MAP2K6: variants seen among roughly 807,000 people sequenced by gnomAD.
The protein encoded by MAP2K6 is mitogen-activated protein kinase kinase 6.
In MAP2K6, 16 loss-of-function variants were observed where a neutral mutation model predicts 53.7. The observed-to-expected ratio is 0.30, with a 90% CI of 0.20 to 0.45. The LOEUF (loss-of-function observed/expected upper bound fraction) is 0.45. Among genes scored for constraint, MAP2K6 ranks in the 20% least tolerant of loss-of-function variants. MAP2K6 has a pLI of 1.00. For synonymous variants in MAP2K6, 132 were observed against 143.1 expected (o/e 0.92, Z 0.55); for missense variants, 204 against 411.9 (o/e 0.50, Z 4.37).
chr17:69,515,751 G>T (rs114323663), intron 2 of MAP2K6, among the ~76,000 whole-genome samples: 64 of 152,342 alleles, frequency 4.2e-4, no homozygotes, highest in African/African-American at 1.5e-3. Context: ...TGCAGAACTG[G>T]ATATCAGGAG....
At chr17:69,513,314 G>A (rs1384622450) in intron 2 of MAP2K6, among the ~76,000 whole-genome samples, 1 of 152,206 alleles carries the variant, frequency 6.6e-6, no homozygotes, top group Non-Finnish European at 1.5e-5. Context: ...GGAATCGCAA[G>A]AGCAGGTAAA....
chr17:69,445,482 A>G (rs2145152041), intron 1 of MAP2K6, among the ~76,000 whole-genome samples: 1 of 152,338 alleles, frequency 6.6e-6, no homozygotes, highest in Admixed American at 6.5e-5. Flanking sequence ...AGATCAAATC[A>G]TGGATAAATG....
At chr17:69,469,183 G>C (rs1907907640) in intron 1 of MAP2K6, among the ~76,000 whole-genome samples, 1 of 152,164 alleles carries the variant, frequency 6.6e-6, no homozygotes, top group African/African-American at 2.4e-5. Context: ...CTTGAGTTCT[G>C]TCCCCTTCCT....
intron 1 of MAP2K6, among the ~76,000 whole-genome samples, chr17:69,470,555 G>T (rs1907954825): frequency 6.6e-6 from 1 of 152,238 alleles, no homozygotes; most frequent in African/African-American, 2.4e-5. Context: ...CTTGTGTATA[G>T]AAGGGAAGAT....
intron 1 of MAP2K6, among the ~76,000 whole-genome samples, chr17:69,475,175 T>G (rs546609031): frequency 6.3e-5 from 9 of 143,272 alleles, no homozygotes; most frequent in East Asian, 2.0e-4. Flanking sequence ...TTTTTTTTTT[T>G]TTTTTTTTTT....
In MAP2K6 at chr17:69,552,488, G is replaced by A. The variant is rs981598331; in HGVS notation, c.*10735G>A. On this transcript the variant is annotated 3_prime_UTR_variant, in exon 12 of 12. Coordinates refer to ENST00000590474, the MANE Select transcript of MAP2K6 (RefSeq NM_002758.4). ...ATTGCCGCATTGTCTCTTTGTGAAT[G>A]AGGCAGGCTGAACTGTAGAGCATGA... The A allele has an allele frequency of 1.3e-5, 2 of 152,166 alleles. No individual in the cohort carries two copies. Among genetic ancestry groups the A allele is most frequent in the African/African-American group, 4.8e-5 (2 of 41,438 alleles). The allele number at this position is 152,166 out of a possible 1,614,324, so 9.4% of individuals were successfully genotyped here.
At chr17:69,500,492 C>T (rs1029766261) in intron 1 of MAP2K6, among the ~76,000 whole-genome samples, 3 of 139,438 alleles carry the variant, frequency 2.2e-5, no homozygotes, top group African/African-American at 5.4e-5. Context: ...CATGGTGGCT[C>T]ACGCCTATAA....
chr17:69,426,696 A>G (rs548110299), intron 1 of MAP2K6, among the ~76,000 whole-genome samples: 2 of 152,302 alleles, frequency 1.3e-5, no homozygotes, highest in African/African-American at 2.4e-5. Flanking sequence ...TTTAGAATCA[A>G]TGAGGAAATT....
intron 5 of MAP2K6, chr17:69,520,060 C>T: frequency 1.9e-6 from 1 of 523,836 alleles, no homozygotes; most frequent in Non-Finnish European, 3.3e-6. Context: ...CATGCAGGTT[C>T]TGCTTGGCTA....
chr17:69,461,569 G>C (rs1397640384), intron 1 of MAP2K6, among the ~76,000 whole-genome samples: 2 of 152,116 alleles, frequency 1.3e-5, no homozygotes, highest in African/African-American at 4.8e-5. Flanking sequence ...TGCCTGACAG[G>C]GTTGTTTTTG....
intron 1 of MAP2K6, among the ~76,000 whole-genome samples, chr17:69,477,871 TGGAAG>T (rs1567832264): frequency 2.0e-5 from 3 of 151,890 alleles, no homozygotes. Flanking sequence ...GTCTTGTAGA[TGGAAG>T]GGAAGGGAAG....
At chr17:69,457,297 C>T (rs1023948173) in intron 1 of MAP2K6, among the ~76,000 whole-genome samples, 4 of 152,182 alleles carry the variant, frequency 2.6e-5, no homozygotes, top group African/African-American at 9.7e-5. Context: ...ACTATTTTCC[C>T]TGTCTTATCT....
intron 2 of MAP2K6, among the ~76,000 whole-genome samples, chr17:69,514,245 G>A (rs1340290080): frequency 6.6e-6 from 1 of 152,126 alleles, no homozygotes; most frequent in African/African-American, 2.4e-5. Flanking sequence ...TTTGACAACT[G>A]AGGAAAAATA....
rs1169425126 is a variant in MAP2K6, at chr17:69,515,433, A to G, written c.84-1422A>G. On this transcript the variant is annotated intron_variant, in intron 2 of 11. Coordinates refer to ENST00000590474, the MANE Select transcript of MAP2K6 (RefSeq NM_002758.4). ...CAGCCTCCCAAAGTGCTGGGATTAC[A>G]GCTGTGAGCCACCGTGCCCGGCCAG... 2.6e-5 allele frequency among the ~76,000 whole-genome samples: 4 copies of G among 152,200 alleles called. 1 individual carries two copies. In the South Asian group the frequency reaches 8.3e-4, roughly 31 times the overall value.
intron 10 of MAP2K6, 129 bp from the exon 11 acceptor site, chr17:69,535,986 G>T: frequency 3.1e-6 from 2 of 647,572 alleles, no homozygotes; most frequent in South Asian, 3.3e-5. Flanking sequence ...GGAAAGTCAA[G>T]ATAGGAGGCT....
chr17:69,496,332 T>TGC (rs1908949736), intron 1 of MAP2K6, among the ~76,000 whole-genome samples: 1 of 149,922 alleles, frequency 6.7e-6, no homozygotes, highest in Admixed American at 6.7e-5. Context: ...AGTGCAGTGG[T>TGC]GCGATCTCGG....
rs998520781 is a variant in MAP2K6 at position 69,545,513 on chromosome 17, G to A, written c.*3760G>A. ...AAATTGTTTGTATTTTACAGTTCTT[G>A]TATATCCTTCAAGCCTAACAAAAAA... On this transcript the variant is annotated 3_prime_UTR_variant, in exon 12 of 12. Transcript: ENST00000590474. 1.3e-5 allele frequency: 2 copies of A among 152,166 alleles called. No individual in the cohort carries two copies. The highest frequency in any genetic ancestry group is 2.9e-5 in the Non-Finnish European group (2 of 68,026). 9.4% of individuals were successfully genotyped at this position (152,166 alleles called of 1,614,324 possible).
chr17:69,528,513 G>T (rs911980176), intron 10 of MAP2K6, among the ~76,000 whole-genome samples: 1 of 151,984 alleles, frequency 6.6e-6, no homozygotes, highest in African/African-American at 2.4e-5. Context: ...TGGTTGGTTG[G>T]TTATTTATTT....
At chr17:69,457,330 C>A (rs887585089) in intron 1 of MAP2K6, among the ~76,000 whole-genome samples, 1 of 152,170 alleles carries the variant, frequency 6.6e-6, no homozygotes, top group African/African-American at 2.4e-5. Flanking sequence ...CACGTTTATC[C>A]CCTAGGTTGA....
Sources: allele counts gnomAD v4.1 joint callset (sites outside exome capture counted in the v4.1 genomes callset), GRCh38; gene constraint gnomAD v4.1.1; transcripts MANE v1.5; gene names NCBI Gene and HGNC (gene_info 2026-07-23, HGNC 2026-07-21).